The following MAD1L1 variants were observed in gnomAD, a reference collection of about 807,000 sequenced individuals.
The protein encoded by MAD1L1 is mitotic arrest deficient 1 like 1.
MAD1L1 carries 95 observed loss-of-function variants against 96.9 expected under a neutral mutation model. The ratio of observed to expected loss-of-function variants is 0.98; its 90% CI spans 0.83 to 1.16. The LOEUF (loss-of-function observed/expected upper bound fraction) is 1.16, where lower values mean the gene tolerates loss of function less well. Among genes scored for constraint, MAD1L1 ranks in the 50% most tolerant of loss-of-function variants. The pLI is 0.00. For missense variants in MAD1L1, 1,007 were observed against 954.4 expected, an observed-to-expected ratio of 1.06 and a Z score of -0.73; for synonymous variants, 473 against 396.6, an observed-to-expected ratio of 1.19 and a Z score of -2.29.
Position 1,928,651 on chromosome 7 carries a change from C to A in MAD1L1, c.1807+8036G>T, listed in dbSNP as rs574629431. Among the ~76,000 whole-genome samples the A allele has an allele frequency of 9.2e-5, 14 of 152,356 alleles. No individual in the cohort carries two copies. In the East Asian group the frequency reaches 2.5e-3, roughly 27 times the overall value. On this transcript the variant is annotated intron_variant, in intron 17 of 18. Coordinates refer to ENST00000265854, the MANE Select transcript of MAD1L1 (RefSeq NM_001013836.2). ...AACAGGGCTGGAGCCCCTGCACCCC[C>A]ATCCCATTTGAACCGCTCAGCTGTC... is the stretch of plus-strand genomic sequence containing the variant.
chr7:2,033,370 AAGG>A (rs1399561272), intron 12 of MAD1L1, among the ~76,000 whole-genome samples: 1 of 152,222 alleles, frequency 6.6e-6, no homozygotes, highest in African/African-American at 2.4e-5. Flanking sequence ...TCCATGGAGC[AAGG>A]CCCTGAAAGG....
intron 10 of MAD1L1, among the ~76,000 whole-genome samples, chr7:2,209,699 T>G (rs1037270080): frequency 6.6e-6 from 1 of 152,068 alleles, no homozygotes; most frequent in Non-Finnish European, 1.5e-5. Context: ...GCCTCGGGCC[T>G]CGGCAAGCCC....
intron 18 of MAD1L1, among the ~76,000 whole-genome samples, chr7:1,857,199 C>A (rs974910364): frequency 2.0e-5 from 3 of 152,218 alleles, no homozygotes; most frequent in Admixed American, 2.0e-4. Flanking sequence ...ACCGTACTGG[C>A]ACCTTCCCGA....
At chr7:2,024,491 G>A (rs1369960558) in intron 12 of MAD1L1, among the ~76,000 whole-genome samples, 1 of 152,130 alleles carries the variant, frequency 6.6e-6, no homozygotes, top group African/African-American at 2.4e-5. Flanking sequence ...CTGTCACATA[G>A]AAATTGGCGG....
intron 14 of MAD1L1, among the ~76,000 whole-genome samples, chr7:1,986,377 C>T (rs368364520): frequency 1.3e-5 from 2 of 151,962 alleles, no homozygotes; most frequent in South Asian, 2.1e-4. Context: ...TGGAACCACA[C>T]GCCAGTCCAG....
intron 17 of MAD1L1, among the ~76,000 whole-genome samples, chr7:1,906,073 G>C (rs1307925203): frequency 8.0e-6 from 1 of 124,648 alleles, no homozygotes; most frequent in African/African-American, 3.3e-5. Context: ...AAAAAAAAAA[G>C]AGCCGGGGCC....
rs991913905 is a variant in MAD1L1, at chr7:2,029,548, T to C, written c.1219-14906A>G. On this transcript the variant is annotated intron_variant, in intron 12 of 18. Coordinates refer to ENST00000265854, the MANE Select transcript of MAD1L1 (RefSeq NM_001013836.2). ...AGCACTTTCTGTATGTCTGTTATGC[T>C]CTAATAAAAAGATTAAAAGGCAGTA... is the stretch of plus-strand genomic sequence containing the variant. 4.6e-4 allele frequency among the ~76,000 whole-genome samples: 70 copies of C among 152,288 alleles called. 1 individual carries two copies. The highest frequency in any genetic ancestry group is 1.2e-3 in the African/African-American group (51 of 41,546).
chr7:1,859,801 C>G (rs911252714), intron 18 of MAD1L1, among the ~76,000 whole-genome samples: 1 of 148,662 alleles, frequency 6.7e-6, no homozygotes. Flanking sequence ...TCTCCCTAGA[C>G]GTGACATCCA....
chr7:1,894,191 C>T (rs1035055749), intron 18 of MAD1L1, among the ~76,000 whole-genome samples: 1 of 152,154 alleles, frequency 6.6e-6, no homozygotes, highest in African/African-American at 2.4e-5. Flanking sequence ...AGAGCTCCTG[C>T]CAGAAGACTT....
chr7:1,887,328 C>T (rs10950425), intron 18 of MAD1L1, among the ~76,000 whole-genome samples: 18 of 149,698 alleles, frequency 1.2e-4, no homozygotes, highest in Non-Finnish European at 1.3e-4. Flanking sequence ...CATGCGCATG[C>T]GTGGCTGCCT....
chr7:2,126,747 G>A (rs1466247412), intron 11 of MAD1L1, among the ~76,000 whole-genome samples: 1 of 152,130 alleles, frequency 6.6e-6, no homozygotes, highest in South Asian at 2.1e-4. Context: ...CAGAGTGACC[G>A]CTGGGCAGCT....
intron 11 of MAD1L1, among the ~76,000 whole-genome samples, chr7:2,072,625 ACGGCTC>A (rs1253611635): frequency 1.3e-5 from 2 of 152,234 alleles, no homozygotes. Context: ...GCTTTAAATC[ACGGCTC>A]CGTGTGGTCA....
intron 17 of MAD1L1, among the ~76,000 whole-genome samples, chr7:1,905,199 G>A (rs373161156): frequency 0.047 from 4,140 of 88,620 alleles, 677 homozygotes; most frequent in African/African-American, 0.13. Flanking sequence ...TACGGAAGAC[G>A]CTCTTGCGGA....
At chr7:1,923,724 G>A (rs1036797334) in intron 17 of MAD1L1, among the ~76,000 whole-genome samples, 1 of 152,280 alleles carries the variant, frequency 6.6e-6, no homozygotes, top group Non-Finnish European at 1.5e-5. Context: ...CCAGAAGGCA[G>A]TGAAGGGAAC....
chr7:1,822,323 AT>A (rs1782167477), intron 18 of MAD1L1, among the ~76,000 whole-genome samples: 1 of 151,890 alleles, frequency 6.6e-6, no homozygotes, highest in Non-Finnish European at 1.5e-5. Flanking sequence ...AATAAAAAGA[AT>A]GTTTGTATAA....
intron 12 of MAD1L1, among the ~76,000 whole-genome samples, chr7:2,036,558 C>A (rs997867335): frequency 6.6e-6 from 1 of 152,136 alleles, no homozygotes; most frequent in East Asian, 1.9e-4. Context: ...AAAATTAAAT[C>A]CCACGGAAGC....
chr7:1,923,486 G>GGGCAACCCCGTGCTCTTCCGCCCCGGCAC (rs1562527703), intron 17 of MAD1L1, among the ~76,000 whole-genome samples: 1 of 150,234 alleles, frequency 6.7e-6, no homozygotes, highest in Non-Finnish European at 1.5e-5. Flanking sequence ...CGCCCCGGCA[G>GGGCAACCCCGTGCTCTTCCGCCCCGGCAC]CCGGGCAACC....
At chr7:2,076,318 A>G (rs547914933) in intron 11 of MAD1L1, among the ~76,000 whole-genome samples, 2 of 152,296 alleles carry the variant, frequency 1.3e-5, no homozygotes, top group African/African-American at 4.8e-5. Context: ...CTGAGGGCGG[A>G]GTGCTCCCAA....
chr7:2,027,459 G>A lies in MAD1L1; in HGVS notation c.1219-12817C>T, dbSNP rs557021007. On this transcript the variant is annotated intron_variant, in intron 12 of 18. Coordinates refer to ENST00000265854, the MANE Select transcript of MAD1L1 (RefSeq NM_001013836.2). ...TGCAGATGCAAAATCCCTAATTAAC[G>A]TACTGGCAAACCAAATAAAGCATTA... Among the ~76,000 whole-genome samples, 49 of 152,248 alleles carry A rather than the reference G, an allele frequency of 3.2e-4. 1 individual carries two copies. In the South Asian group the frequency reaches 5.4e-3, roughly 17 times the overall value.
Sources: gnomAD v4.1 joint callset for allele counts (sites outside exome capture counted in the v4.1 genomes callset) on GRCh38, gnomAD v4.1.1 for gene constraint, MANE v1.5 for transcripts, NCBI Gene and HGNC (gene_info 2026-07-23, HGNC 2026-07-21) for gene names.